The following FBF1 variants were observed in gnomAD, a reference collection of about 807,000 sequenced individuals.
FBF1 encodes Fas binding factor 1, also known as fas-binding factor 1.
A neutral mutation model predicts 147.2 loss-of-function variants in FBF1; 119 were observed. The observed-to-expected ratio is 0.81, with a 90% CI of 0.70 to 0.94. FBF1 has a LOEUF of 0.94. Among genes scored for constraint, FBF1 ranks in the 40% least tolerant of loss-of-function variants. The pLI, the probability that FBF1 is intolerant of heterozygous loss-of-function variation, is 0.00. For synonymous variants in FBF1, 601 were observed against 609.0 expected (o/e 0.99, Z 0.19); for missense variants, 1,449 against 1,500.8 (o/e 0.97, Z 0.57).
chr17:75,914,481 T>C, intron 25 of FBF1, 183 bp from the exon 26 acceptor site: 1 of 976,780 alleles, frequency 1.0e-6, no homozygotes, highest in South Asian at 1.8e-5. Flanking sequence ...GCCACGTGAC[T>C]GTGGCAGGCT....
At position 75,928,023 on chromosome 17, in the gene FBF1, G is replaced by T; in HGVS notation, c.397+53C>A. On this transcript the variant is annotated intron_variant, in intron 8 of 29. Coordinates refer to ENST00000636174, the MANE Select transcript of FBF1 (RefSeq NM_001319193.2). This position sits in a 1 kb window ranked among gnomAD's most constrained non-coding sequence, Gnocchi z 4.2. ...CTTCCACGTCCTCAAAGTCTCCCTA[G>T]CAGATGCGAGGAGCCGTCTCCCATG... 7.0e-7 allele frequency: 1 copy of T among 1,436,514 alleles called. No individual in the cohort carries two copies. Among genetic ancestry groups the T allele is most frequent in the Non-Finnish European group, 9.7e-7 (1 of 1,025,664 alleles). The allele number at this position is 1,436,514 out of a possible 1,614,324, so 89.0% of individuals were successfully genotyped here.
At position 75,928,054 on chromosome 17, in the gene FBF1, T is replaced by G. The variant is rs376065051; in HGVS notation, c.397+22A>C. On this transcript the variant is annotated intron_variant, in intron 8 of 29. Transcript: ENST00000636174. The surrounding 1 kb of genome is among the most constrained non-coding windows in gnomAD (Gnocchi z 4.2). ...GCGAGGAGCCGTCTCCCATGCACCT[T>G]TCTCACTGGCTACTGACCCACCTGC... The G allele has an allele frequency of 7.5e-6, 12 of 1,599,064 alleles. No homozygotes were observed. Among genetic ancestry groups the G allele is most frequent in the Non-Finnish European group, 9.4e-6 (11 of 1,167,908 alleles).
At chr17:75,920,545 A>C in intron 17 of FBF1, 116 bp from the exon 18 acceptor site, 1 of 1,147,024 alleles carries the variant, frequency 8.7e-7, no homozygotes, top group Non-Finnish European at 1.2e-6. Context: ...CTGTGGCTGC[A>C]GATGGGGCCA....
chr17:75,937,771 A>G (rs963342911), intron 2 of FBF1, 178 bp from the exon 3 acceptor site: 21 of 728,948 alleles, frequency 2.9e-5, no homozygotes, highest in Non-Finnish European at 4.9e-5. Context: ...GGACTCATTC[A>G]GAGCGTGGAA....
At position 75,923,705 on chromosome 17, in the gene FBF1, C is replaced by T; in HGVS notation, c.969-64G>A. The T allele has an allele frequency of 2.1e-6, 3 of 1,454,836 alleles. No homozygotes were observed. Among genetic ancestry groups the T allele is most frequent in the East Asian group, 4.9e-5 (2 of 40,660 alleles). 90.1% of individuals were successfully genotyped at this position (1,454,836 alleles called of 1,614,324 possible). On this transcript the variant is annotated intron_variant, in intron 13 of 29. Transcript: ENST00000636174. The surrounding 1 kb of genome is among the most constrained non-coding windows in gnomAD (Gnocchi z 4.1). ...GCCAGTCCCAGTGGCCCCCTAGCAG[C>T]CTGCAGCTGGGCGTCACGATGCCCA...
chr17:75,923,478 C>T lies in FBF1; in HGVS notation c.1132G>A (p.Ala378Thr), dbSNP rs751791637. 1 of 1,608,586 alleles carries T rather than the reference C, an allele frequency of 6.2e-7. No individual in the cohort carries two copies. ...DLFPASPTRE[A>T]HRESSVPVTP... Reference sequence around the variant, plus strand: ...ACAGGCACTGAACTTTCCCGATGGGCCTCTCTGGTGGGTGAGGCAGGGAAC... The same window carrying T: ...ACAGGCACTGAACTTTCCCGATGGGTCTCTCTGGTGGGTGAGGCAGGGAAC... The change falls in exon 14 of 30, where the codon GCC (alanine) becomes ACC (threonine). Residue 378 changes from alanine (A) to threonine (T), a missense_variant. By Grantham distance (58) the Ala-to-Thr change is moderately conservative. Coordinates refer to ENST00000636174, the MANE Select transcript of FBF1 (RefSeq NM_001319193.2). The surrounding 1 kb of genome is among the most constrained non-coding windows in gnomAD (Gnocchi z 4.1).
At chr17:75,934,475 C>T (rs539740065) in intron 4 of FBF1, among the ~76,000 whole-genome samples, 35 of 150,980 alleles carry the variant, frequency 2.3e-4, no homozygotes, top group Admixed American at 2.1e-3. Flanking sequence ...GCACGAGAAT[C>T]GCTTGAACTC....
rs186243275 is a variant in FBF1, at chr17:75,940,991, C to G, written c.-227G>C. On this transcript the variant is annotated 5_prime_UTR_variant, in exon 1 of 30. Coordinates refer to ENST00000636174, the MANE Select transcript of FBF1 (RefSeq NM_001319193.2). Reference sequence around the variant, plus strand: ...CTGGCTCCATTCGGGTCGCCCAGCCCGGCCAGGACTGGCCTCCCGCTTCCA... The same window carrying G: ...CTGGCTCCATTCGGGTCGCCCAGCCGGGCCAGGACTGGCCTCCCGCTTCCA... 5.3e-5 allele frequency: 8 copies of G among 152,376 alleles called. No individual in the cohort carries two copies. The East Asian group carries it at 1.5e-3, about 29-fold the overall frequency. 9.4% of individuals were successfully genotyped at this position (152,376 alleles called of 1,614,324 possible). A position where few individuals can be genotyped will look rare whatever the true frequency, so the allele number is the denominator to read the frequency against.
At chr17:75,936,104 G>A (rs1487269289) in intron 3 of FBF1, among the ~76,000 whole-genome samples, 1 of 152,212 alleles carries the variant, frequency 6.6e-6, no homozygotes, top group Non-Finnish European at 1.5e-5. Flanking sequence ...CCTGAAGTCA[G>A]GAGTTCGAGA....
At position 75,920,379 on chromosome 17, in the gene FBF1, G is replaced by A. The variant is rs1422245877; in HGVS notation, c.1725C>T (p.Tyr575=). The A allele has an allele frequency of 1.2e-5, 20 of 1,606,146 alleles. No homozygotes were observed. The highest frequency in any genetic ancestry group is 1.7e-5 in the Non-Finnish European group (20 of 1,176,884). The change falls in exon 18 of 30, where the codon TAC becomes TAT. Residue 575 remains tyrosine (Y), a synonymous_variant. Coordinates refer to ENST00000636174, the MANE Select transcript of FBF1 (RefSeq NM_001319193.2). ...LARSLLPSTE[Y]QKQLLAAQVQ... is the part of the protein sequence containing the mutation. ...CCTGTGCTGCCAGGAGCTGCTTCTG[G>A]TATTCTGTGCTCGGCAGCAGGCTCC...
chr17:75,930,920 C>CAAAACA (rs1410997213), intron 6 of FBF1, among the ~76,000 whole-genome samples: 4 of 152,146 alleles, frequency 2.6e-5, no homozygotes, highest in Admixed American at 1.3e-4. Context: ...GACTCCATCT[C>CAAAACA]AAAACAAAAA....
chr17:75,914,027 C>A lies in FBF1; in HGVS notation c.3015G>T (p.Glu1005Asp), dbSNP rs749085238. Residue 1005 changes from glutamate to aspartate, a missense_variant, in exon 27 of 30, where the codon GAG becomes GAT. Transcript: ENST00000636174. ...GGGCCTCGCGCAATGCCCGCTCCCC[C>A]TCCTCGTACTTCTCGGAGGCCACCT... The part of the protein sequence containing the change: ...MSKVASEKYE[E>D]GERALREAQQ... 3.8e-6 allele frequency: 6 copies of A among 1,587,622 alleles called. No individual in the cohort carries two copies. The highest frequency in any genetic ancestry group is 3.4e-5 in the Admixed American group (2 of 58,498).
Position 75,913,721 on chromosome 17 carries a change from A to AGGGCCCT in FBF1, c.3221_3227dup (p.Ala1077GlyfsTer50), listed in dbSNP as rs1213032040. 3.8e-6 allele frequency: 6 copies of AGGGCCCT among 1,598,058 alleles called. No individual in the cohort carries two copies. Among genetic ancestry groups the AGGGCCCT allele is most frequent in the Non-Finnish European group, 4.2e-6 (5 of 1,178,722 alleles). On this transcript the variant is annotated frameshift_variant, in exon 28 of 30. Transcript: ENST00000636174. LOFTEE classifies it high-confidence loss of function. ...ACTCACCACTCTGGCTGGAGGCTGC[A>AGGGCCCT]GGGCCCTGGGCCCTGGGGAACAGAC... is the stretch of plus-strand genomic sequence containing the variant.
In FBF1 at chr17:75,925,596, G is replaced by T; in HGVS notation, c.869-150C>A. 2.8e-6 allele frequency: 2 copies of T among 702,138 alleles called. No individual in the cohort carries two copies. The allele number at this position is 702,138 out of a possible 1,614,324, so 43.5% of individuals were successfully genotyped here. A position where few individuals can be genotyped will look rare whatever the true frequency, so the allele number is the denominator to read the frequency against. The stretch of plus-strand genomic sequence containing the variant: ...TGTGAAGGGAGCACCTCAGGCACTG[G>T]CCAGGAAGATGCAGTGGCCTTGCAG... On this transcript the variant is annotated intron_variant, in intron 12 of 29. Transcript: ENST00000636174. This position sits in a 1 kb window ranked among gnomAD's most constrained non-coding sequence, Gnocchi z 5.0.
intron 5 of FBF1, among the ~76,000 whole-genome samples, 187 bp downstream of exon 5, chr17:75,932,808 C>T (rs1434470195): frequency 6.6e-6 from 1 of 151,202 alleles, no homozygotes; most frequent in African/African-American, 2.4e-5. Flanking sequence ...ATTGCTTGAA[C>T]CGGGGTGGTG....
rs1438903067 is a variant in FBF1 at position 75,909,898 on chromosome 17, G to A, written c.*825C>T. 1 of 701,386 alleles carries A rather than the reference G, an allele frequency of 1.4e-6. No individual in the cohort carries two copies. Among genetic ancestry groups the A allele is most frequent in the Admixed American group, 2.0e-5 (1 of 49,978 alleles). The allele number at this position is 701,386 out of a possible 1,614,324, so 43.4% of individuals were successfully genotyped here. On this transcript the variant is annotated 3_prime_UTR_variant, in exon 30 of 30. Coordinates refer to ENST00000636174, the MANE Select transcript of FBF1 (RefSeq NM_001319193.2). The stretch of plus-strand genomic sequence containing the variant: ...TAGTCAAGTTGAAGCAGCGGGAGTG[G>A]AGGAGGATCAGAGAAACCTCTGTAG...
At chr17:75,914,691 A>G in intron 25 of FBF1, 56 bp downstream of exon 25, 1 of 1,464,666 alleles carries the variant, frequency 6.8e-7, no homozygotes, top group Non-Finnish European at 9.1e-7. Context: ...ATGTGTCCAG[A>G]TGGAGGGGCG....
At chr17:75,914,648 T>C in intron 25 of FBF1, 99 bp downstream of exon 25, 22 of 1,258,248 alleles carry the variant, frequency 1.7e-5, no homozygotes, top group Non-Finnish European at 2.4e-5. Context: ...GTGACATTAG[T>C]GCTACACTCT....
At chr17:75,926,453 C>T (rs1460340874) in intron 10 of FBF1, 27 bp from the exon 11 acceptor site, 1 of 1,523,780 alleles carries the variant, frequency 6.6e-7, no homozygotes, top group Admixed American at 2.2e-5. Flanking sequence ...GGCCCAATGC[C>T]TGCAGCCTTC....
Sources: gnomAD v4.1 joint callset for allele counts (sites outside exome capture counted in the v4.1 genomes callset) on GRCh38, gnomAD v4.1.1 for gene constraint, Gnocchi (gnomAD v3.1) non-coding constraint, MANE v1.5 for transcripts, NCBI Gene and HGNC (gene_info 2026-07-23, HGNC 2026-07-21) for gene names.